The following ATP9A variants were observed in gnomAD, a reference collection of about 807,000 sequenced individuals.
The protein encoded by ATP9A is ATPase phospholipid transporting 9A, also known as probable phospholipid-transporting ATPase IIA.
ATP9A carries 52 observed loss-of-function variants against 144.1 expected under a neutral mutation model. The observed-to-expected ratio is 0.36, with a 90% CI of 0.29 to 0.45. The LOEUF is 0.45. Ranked by LOEUF, ATP9A falls within the 20% of genes least tolerant of loss-of-function variation. ATP9A has a pLI of 1.00. For synonymous variants in ATP9A, 582 were observed against 557.4 expected (o/e 1.04, Z -0.62); for missense variants, 947 against 1,392.7 (o/e 0.68, Z 5.09).
At chr20:51,672,704 C>G (rs1487522528) in intron 11 of ATP9A, among the ~76,000 whole-genome samples, 1 of 151,986 alleles carries the variant, frequency 6.6e-6, no homozygotes, top group African/African-American at 2.4e-5. Context: ...AGTATAAGCA[C>G]TAAAAGTTTC....
rs1368921505 is a variant in ATP9A, at chr20:51,658,978, A to G, written c.1294-1828T>C. 2.9e-5 allele frequency among the ~76,000 whole-genome samples: 4 copies of G among 139,868 alleles called. No homozygotes were observed. The East Asian group carries it at 6.8e-4, about 24-fold the overall frequency. The allele number at this position is 139,868 out of a possible 152,430, so 91.8% of individuals were successfully genotyped here. A position where few individuals can be genotyped will look rare whatever the true frequency, so the allele number is the denominator to read the frequency against. On this transcript the variant is annotated intron_variant, in intron 13 of 27. Transcript: ENST00000338821. ...CTGCCTGCATCTCCAGCTGTCCCTC[A>G]TGCCATCTTCCTCCCGTTCCCTCTG...
intron 9 of ATP9A, among the ~76,000 whole-genome samples, chr20:51,680,357 A>G (rs1232222574): frequency 6.6e-6 from 1 of 151,964 alleles, no homozygotes; most frequent in Non-Finnish European, 1.5e-5. Context: ...GTCCCTCTCC[A>G]CTAAAAGTTT....
rs200090149 is a variant in ATP9A at position 51,696,094 on chromosome 20, G to A, written c.546C>T (p.Asn182=). 75 of 1,612,866 alleles carry A rather than the reference G, an allele frequency of 4.7e-5. No individual in the cohort carries two copies. The highest frequency in any genetic ancestry group is 5.3e-5 in the Non-Finnish European group (62 of 1,179,066). Residue 182 remains asparagine, a splice_region_variant and synonymous_variant, in exon 6 of 28, where the codon AAC becomes AAT. Transcript: ENST00000338821. ...TCCAAATTGATCTCAGATGTTTACC[G>A]TTTTTTTCTGATGTCCTCAGGAAGA... The part of the protein sequence containing the change: ...DMIFLRTSEK[N]GSCFLRTDQL...
intron 4 of ATP9A, among the ~76,000 whole-genome samples, chr20:51,711,588 T>C (rs775461744): frequency 1.3e-5 from 2 of 152,206 alleles, no homozygotes; most frequent in South Asian, 2.1e-4. Flanking sequence ...TCAGTCATCT[T>C]AGGGGACAAT....
intron 2 of ATP9A, among the ~76,000 whole-genome samples, chr20:51,726,757 T>C (rs1324657071): frequency 1.3e-5 from 2 of 151,998 alleles, no homozygotes; most frequent in African/African-American, 4.8e-5. Context: ...TTTTTTGCTA[T>C]TTGTAGAGAC....
Position 51,599,112 on chromosome 20 carries a change from G to C in ATP9A, c.*2099C>G, listed in dbSNP as rs1350108628. On this transcript the variant is annotated 3_prime_UTR_variant, in exon 28 of 28. Coordinates refer to ENST00000338821, the MANE Select transcript of ATP9A (RefSeq NM_006045.3). ...GGGAGACCATCTTCATTCTGCTTCT[G>C]CTGGAAACCTCTAAAACTTTCTGAC... The C allele has an allele frequency of 6.6e-6, 1 of 152,204 alleles. No homozygotes were observed. Among genetic ancestry groups the C allele is most frequent in the East Asian group, 1.9e-4 (1 of 5,200 alleles). The allele number at this position is 152,204 out of a possible 1,614,324, so 9.4% of individuals were successfully genotyped here.
At position 51,660,122 on chromosome 20, in the gene ATP9A, G is replaced by A. The variant is rs546540829; in HGVS notation, c.1294-2972C>T. Among the ~76,000 whole-genome samples, 27 of 152,256 alleles carry A rather than the reference G, an allele frequency of 1.8e-4. No individual in the cohort carries two copies. In the East Asian group the frequency reaches 2.7e-3, roughly 15 times the overall value. On this transcript the variant is annotated intron_variant, in intron 13 of 27. Transcript: ENST00000338821. ...TAATTTAGGTTCTAGCCACGAACAC[G>A]TGTCTTCATTTCTGTCCGCATTCCT...
chr20:51,615,125 G>A (rs2077198369), intron 22 of ATP9A, among the ~76,000 whole-genome samples: 1 of 151,970 alleles, frequency 6.6e-6, no homozygotes, highest in African/African-American at 2.4e-5. Context: ...TGGTTATGAT[G>A]TTACTTTCTT....
intron 1 of ATP9A, among the ~76,000 whole-genome samples, chr20:51,747,369 G>A (rs1386610544): frequency 1.3e-5 from 2 of 152,056 alleles, no homozygotes; most frequent in Non-Finnish European, 2.9e-5. Context: ...GGAGATGCAC[G>A]AGGATGTTCA....
intron 13 of ATP9A, among the ~76,000 whole-genome samples, chr20:51,662,869 G>C (rs750484845): frequency 6.6e-6 from 1 of 151,770 alleles, no homozygotes; most frequent in Non-Finnish European, 1.5e-5. Flanking sequence ...TCAGGAGTTC[G>C]AGATCAGCCT....
chr20:51,756,016 A>C lies in ATP9A; in HGVS notation c.68+12286T>G, dbSNP rs112555925. Among the ~76,000 whole-genome samples the C allele has an allele frequency of 2.8e-3, 420 of 152,322 alleles. 1 individual carries two copies. The highest frequency in any genetic ancestry group is 9.7e-3 in the African/African-American group (404 of 41,580). On this transcript the variant is annotated intron_variant, in intron 1 of 27. Coordinates refer to ENST00000338821, the MANE Select transcript of ATP9A (RefSeq NM_006045.3). ...TGACATTAATTTCAAATAAAAGCTT[A>C]ATAACACTAAGAGATACTGCACATG...
Position 51,613,725 on chromosome 20 carries a change from G to C in ATP9A, c.2523C>G (p.Ala841=), listed in dbSNP as rs745518558. 1.9e-6 allele frequency: 3 copies of C among 1,614,182 alleles called. No individual in the cohort carries two copies. Among genetic ancestry groups the C allele is most frequent in the Non-Finnish European group, 2.5e-6 (3 of 1,180,024 alleles). The part of the protein sequence containing the change: ...HGRNSYKRSA[A]LSQFVIHRSL... The stretch of plus-strand genomic sequence containing the variant: ...TCCTGTGAATCACGAACTGGCTGAG[G>C]GCGGCTGACCGCTTGTAGCTGTTCC... Residue 841 remains alanine, a synonymous_variant, in exon 23 of 28, where the codon GCC becomes GCG. Transcript: ENST00000338821.
At chr20:51,655,433 A>G (rs529732411) in intron 14 of ATP9A, among the ~76,000 whole-genome samples, 15 of 152,216 alleles carry the variant, frequency 9.9e-5, no homozygotes, top group Non-Finnish European at 2.1e-4. Context: ...CACCTCAACA[A>G]CAAAAAGAAA....
At chr20:51,694,386 G>A (rs777515295) in intron 6 of ATP9A, among the ~76,000 whole-genome samples, 5 of 152,264 alleles carry the variant, frequency 3.3e-5, no homozygotes, top group Non-Finnish European at 5.9e-5. Context: ...CGCAGACTTC[G>A]CAAGCTTGCT....
chr20:51,760,277 T>C (rs368840658), intron 1 of ATP9A, among the ~76,000 whole-genome samples: 130 of 100,046 alleles, frequency 1.3e-3, no homozygotes, highest in African/African-American at 3.4e-3. Context: ...ATATGCGGTT[T>C]TTAAAAAACA....
intron 14 of ATP9A, among the ~76,000 whole-genome samples, chr20:51,640,416 G>A (rs2077313944): frequency 6.6e-6 from 1 of 152,162 alleles, no homozygotes; most frequent in Non-Finnish European, 1.5e-5. Flanking sequence ...TAACACACAG[G>A]ACATACCACA....
At chr20:51,730,402 A>C (rs909988658) in intron 1 of ATP9A, among the ~76,000 whole-genome samples, 1 of 152,224 alleles carries the variant, frequency 6.6e-6, no homozygotes, top group Admixed American at 6.5e-5. Context: ...CAAGAGGCGG[A>C]GGTCGCAGTG....
chr20:51,753,608 C>T (rs888074978), intron 1 of ATP9A, among the ~76,000 whole-genome samples: 1 of 151,846 alleles, frequency 6.6e-6, no homozygotes, highest in Non-Finnish European at 1.5e-5. Context: ...GGAAAAATAA[C>T]ATAATACCAG....
intron 4 of ATP9A, among the ~76,000 whole-genome samples, chr20:51,710,902 T>C (rs1398393843): frequency 6.6e-6 from 1 of 152,178 alleles, no homozygotes; most frequent in Non-Finnish European, 1.5e-5. Flanking sequence ...GATGGATGAA[T>C]GAATGGAATC....
Sources: gnomAD v4.1 joint callset for allele counts (sites outside exome capture counted in the v4.1 genomes callset) on GRCh38, gnomAD v4.1.1 for gene constraint, MANE v1.5 for transcripts, NCBI Gene and HGNC (gene_info 2026-07-23, HGNC 2026-07-21) for gene names.